The following RYR3 variants were observed in gnomAD, a reference collection of about 807,000 sequenced individuals.
RYR3 encodes the protein brain ryanodine receptor-calcium release channel.
A neutral mutation model predicts 584.3 loss-of-function variants in RYR3; 207 were observed. The observed-to-expected ratio is 0.35, with a 90% CI of 0.32 to 0.40. The LOEUF is 0.40. Ranked by LOEUF, RYR3 falls within the 10% of genes least tolerant of loss-of-function variation. The probability of loss-of-function intolerance (pLI) is 1.00; values close to 1 mark genes in which losing one functional copy is unlikely to be tolerated. For missense variants in RYR3, 5,616 were observed against 6,089.2 expected (o/e 0.92, Z 2.59); for synonymous variants, 2,416 against 2,248.5 (o/e 1.07, Z -2.11).
intron 45 of RYR3, among the ~76,000 whole-genome samples, chr15:33,725,986 A>AC (rs1567034042): frequency 2.9e-5 from 4 of 136,778 alleles, no homozygotes; most frequent in Non-Finnish European, 3.2e-5. Flanking sequence ...CAAAAAAAAA[A>AC]AAAAAAAAAA....
chr15:33,703,633 AG>A (rs148285117), intron 42 of RYR3, among the ~76,000 whole-genome samples: 10,396 of 152,164 alleles, frequency 0.068, 781 homozygotes, highest in African/African-American at 0.19. Flanking sequence ...TGGGATATTG[AG>A]GGTTAGGGCT....
chr15:33,380,207 A>T (rs180822903), intron 1 of RYR3, among the ~76,000 whole-genome samples: 1 of 152,182 alleles, frequency 6.6e-6, no homozygotes, highest in East Asian at 1.9e-4. Context: ...GTTGACACCT[A>T]ATATTAACCA....
chr15:33,595,126 A>G (rs907777536), intron 16 of RYR3, among the ~76,000 whole-genome samples: 2 of 152,210 alleles, frequency 1.3e-5, no homozygotes, highest in African/African-American at 4.8e-5. Context: ...TCAAATATAA[A>G]AGGTTTAAAA....
Position 33,337,149 on chromosome 15 carries a change from AAG to A in RYR3, c.51+26056_51+26057del, listed in dbSNP as rs1015019458. On this transcript the variant is annotated intron_variant, in intron 1 of 103. Coordinates refer to ENST00000634891, the MANE Select transcript of RYR3 (RefSeq NM_001036.6). ...ATGAGTAATCCATATTAGGAACAAA[AAG>A]AGTACATTACTGATGGAGCAGAGAT... Among the ~76,000 whole-genome samples the A allele has an allele frequency of 2.6e-5, 4 of 151,856 alleles. No homozygotes were observed. The East Asian group carries it at 5.8e-4, about 22-fold the overall frequency.
At chr15:33,742,835 C>T (rs4779642) in intron 52 of RYR3, among the ~76,000 whole-genome samples, 27,887 of 152,096 alleles carry the variant, frequency 0.18, 2,988 homozygotes, top group South Asian at 0.27. Flanking sequence ...AAGCCTAACC[C>T]TTACATGTTT....
intron 2 of RYR3, 42 bp from the exon 3 acceptor site, chr15:33,503,589 C>CTGAT (rs1224694079): frequency 4.3e-6 from 5 of 1,167,088 alleles, no homozygotes; most frequent in Non-Finnish European, 6.3e-6. Context: ...TGATCTCTGA[C>CTGAT]TGATATGAGT....
At chr15:33,432,841 T>G (rs527946266) in intron 1 of RYR3, among the ~76,000 whole-genome samples, 1 of 152,164 alleles carries the variant, frequency 6.6e-6, no homozygotes, top group Admixed American at 6.5e-5. Context: ...ATTTTTCTAG[T>G]CTCAATAATT....
At chr15:33,620,109 T>C (rs76132305) in intron 19 of RYR3, among the ~76,000 whole-genome samples, 1,934 of 152,230 alleles carry the variant, frequency 0.013, 50 homozygotes, top group African/African-American at 0.043. Flanking sequence ...CTTTTTAAGA[T>C]GGCAGATGGT....
Position 33,523,971 on chromosome 15 carries a change from C to G in RYR3, c.280-6621C>G, listed in dbSNP as rs2054206597. ...AATGATGCTAGATATGTGTCCCCAT[C>G]TGCCTTTCAGGTAGGTAAAGTCGTT... On this transcript the variant is annotated intron_variant, in intron 3 of 103. Coordinates refer to ENST00000634891, the MANE Select transcript of RYR3 (RefSeq NM_001036.6). Among the ~76,000 whole-genome samples the G allele has an allele frequency of 2.0e-5, 3 of 152,178 alleles. No homozygotes were observed. In the South Asian group the frequency reaches 6.2e-4, roughly 32 times the overall value.
intron 81 of RYR3, among the ~76,000 whole-genome samples, chr15:33,824,443 C>G (rs1472810305): frequency 6.6e-6 from 1 of 152,132 alleles, no homozygotes; most frequent in Non-Finnish European, 1.5e-5. Context: ...TGCATAGATT[C>G]AGATTCAAAA....
chr15:33,758,444 G>C (rs746774870), intron 60 of RYR3, among the ~76,000 whole-genome samples: 1 of 152,156 alleles, frequency 6.6e-6, no homozygotes, highest in South Asian at 2.1e-4. Context: ...TGGGACACTC[G>C]GGCTTGGTTG....
At chr15:33,665,170 A>G (rs545866464) in intron 36 of RYR3, among the ~76,000 whole-genome samples, 1 of 152,328 alleles carries the variant, frequency 6.6e-6, no homozygotes, top group Non-Finnish European at 1.5e-5. Context: ...GTATTTGTGA[A>G]TAACAGAAGA....
intron 1 of RYR3, among the ~76,000 whole-genome samples, chr15:33,345,721 A>G (rs1972376462): frequency 6.6e-6 from 1 of 152,178 alleles, no homozygotes; most frequent in South Asian, 2.1e-4. Flanking sequence ...TCATTGCATC[A>G]GGCTACACAG....
At chr15:33,494,429 C>T (rs1394027224) in intron 2 of RYR3, among the ~76,000 whole-genome samples, 1 of 152,184 alleles carries the variant, frequency 6.6e-6, no homozygotes, top group Admixed American at 6.5e-5. Flanking sequence ...AATCATTCTG[C>T]TCATGGCTGC....
In RYR3 at chr15:33,662,139, C is replaced by T. The variant is rs370999442; in HGVS notation, c.4623-14C>T. On this transcript the variant is annotated splice_polypyrimidine_tract_variant and intron_variant, in intron 34 of 103. Coordinates refer to ENST00000634891, the MANE Select transcript of RYR3 (RefSeq NM_001036.6). ...TCTCCCCCTGGTGTGGCTGATTGCT[C>T]GTCCTGTCCTCAGGTGTGTGGATAT... 24 of 1,552,610 alleles carry T rather than the reference C, an allele frequency of 1.5e-5. No homozygotes were observed. Among genetic ancestry groups the T allele is most frequent in the African/African-American group, 9.5e-5 (7 of 73,572 alleles).
At chr15:33,789,501 G>T (rs934608499) in intron 67 of RYR3, among the ~76,000 whole-genome samples, 1 of 149,608 alleles carries the variant, frequency 6.7e-6, no homozygotes, top group Non-Finnish European at 1.5e-5. Context: ...TAAGCACTGG[G>T]CTTTCCTTTT....
At chr15:33,356,356 G>A (rs906191515) in intron 1 of RYR3, among the ~76,000 whole-genome samples, 6 of 152,282 alleles carry the variant, frequency 3.9e-5, no homozygotes, top group African/African-American at 7.2e-5. Flanking sequence ...AATTTCAGTC[G>A]TTAGTGTTAT....
chr15:33,666,119 C>G (rs2063481054), intron 36 of RYR3, among the ~76,000 whole-genome samples: 3 of 152,178 alleles, frequency 2.0e-5, no homozygotes, highest in Admixed American at 2.0e-4. Context: ...ATTCTCATGC[C>G]TCAGCCTCCC....
At chr15:33,490,686 G>A (rs564910101) in intron 2 of RYR3, among the ~76,000 whole-genome samples, 1 of 150,894 alleles carries the variant, frequency 6.6e-6, no homozygotes, top group African/African-American at 2.4e-5. Context: ...AACAGAGGAA[G>A]GCTTAATATT....
Sources: allele counts gnomAD v4.1 joint callset (sites outside exome capture counted in the v4.1 genomes callset), GRCh38; gene constraint gnomAD v4.1.1; transcripts MANE v1.5; gene names NCBI Gene and HGNC (gene_info 2026-07-23, HGNC 2026-07-21).